The following BTBD9 variants were observed in gnomAD, a reference collection of about 807,000 sequenced individuals.
BTBD9 encodes the protein BTB/POZ domain-containing protein 9.
In BTBD9, 49 loss-of-function variants were observed where a neutral mutation model predicts 64.3. The observed-to-expected ratio is 0.76, with a 90% CI of 0.61 to 0.97. BTBD9 has a LOEUF of 0.97. BTBD9 is among the 50% of genes least tolerant of loss of function. BTBD9 has a pLI of 0.00. For synonymous variants in BTBD9, 260 were observed against 274.7 expected, an observed-to-expected ratio of 0.95 and a Z score of 0.53; for missense variants, 598 against 762.1, an observed-to-expected ratio of 0.78 and a Z score of 2.53.
At chr6:38,556,838 GA>G (rs1169008528) in intron 6 of BTBD9, among the ~76,000 whole-genome samples, 18 of 150,494 alleles carry the variant, frequency 1.2e-4, no homozygotes, top group Non-Finnish European at 2.5e-4. Flanking sequence ...CCAACATGGT[GA>G]AAACCCGTCT....
At chr6:38,258,328 G>A (rs1487481696) in intron 8 of BTBD9, among the ~76,000 whole-genome samples, 1 of 152,066 alleles carries the variant, frequency 6.6e-6, no homozygotes, top group Non-Finnish European at 1.5e-5. Flanking sequence ...TGCAGTACAG[G>A]ATTAGTGTTT....
intron 7 of BTBD9, among the ~76,000 whole-genome samples, chr6:38,331,347 C>T (rs565499338): frequency 7.2e-5 from 11 of 152,070 alleles, no homozygotes; most frequent in South Asian, 4.2e-4. Context: ...GGAGTGGTGG[C>T]GCATGCCTGT....
At chr6:38,346,143 C>T (rs575432699) in intron 6 of BTBD9, among the ~76,000 whole-genome samples, 52 of 152,272 alleles carry the variant, frequency 3.4e-4, no homozygotes, top group African/African-American at 1.1e-3. Context: ...AATCTCCTCC[C>T]CTCTGCTGTG....
intron 7 of BTBD9, among the ~76,000 whole-genome samples, chr6:38,299,422 G>A (rs1244773130): frequency 1.3e-5 from 2 of 152,158 alleles, no homozygotes; most frequent in Non-Finnish European, 2.9e-5. Context: ...GATCCCTGAG[G>A]AATCGCCACA....
chr6:38,465,755 A>G (rs1449616858), intron 6 of BTBD9, among the ~76,000 whole-genome samples: 4 of 37,008 alleles, frequency 1.1e-4, no homozygotes, highest in African/African-American at 4.3e-4. Context: ...ATATATATAT[A>G]TGTATGTATG....
At chr6:38,195,454 A>G (rs902158294) in intron 9 of BTBD9, among the ~76,000 whole-genome samples, 1 of 152,222 alleles carries the variant, frequency 6.6e-6, no homozygotes, top group Non-Finnish European at 1.5e-5. Flanking sequence ...GGGCGCTGAG[A>G]GGAGGGTGTT....
chr6:38,331,586 T>C (rs1350639817), intron 7 of BTBD9, among the ~76,000 whole-genome samples: 2 of 152,206 alleles, frequency 1.3e-5, no homozygotes, highest in Non-Finnish European at 2.9e-5. Context: ...TGGCCAGGTG[T>C]AGTGGCTCAC....
At chr6:38,322,859 C>T (rs893673216) in intron 7 of BTBD9, among the ~76,000 whole-genome samples, 2 of 152,178 alleles carry the variant, frequency 1.3e-5, no homozygotes. Context: ...GCTTAACTAC[C>T]ATAATGTAGC....
At chr6:38,619,680 AG>A (rs1371231721) in intron 1 of BTBD9, among the ~76,000 whole-genome samples, 7 of 152,188 alleles carry the variant, frequency 4.6e-5, no homozygotes, top group African/African-American at 1.7e-4. Flanking sequence ...ATTGAGGGCC[AG>A]GAAATTGACT....
At chr6:38,560,420 G>A (rs754093821) in intron 6 of BTBD9, among the ~76,000 whole-genome samples, 9 of 151,954 alleles carry the variant, frequency 5.9e-5, no homozygotes, top group African/African-American at 1.5e-4. Flanking sequence ...GTCAGAAATC[G>A]ATAAAATGTT....
chr6:38,212,872 C>T (rs916606172), intron 9 of BTBD9, among the ~76,000 whole-genome samples: 1 of 152,180 alleles, frequency 6.6e-6, no homozygotes, highest in African/African-American at 2.4e-5. Context: ...AGCGCATTCC[C>T]TCCCAGAAGC....
chr6:38,483,336 GA>G lies in BTBD9; in HGVS notation c.1154+94263del, dbSNP rs547960261. On this transcript the variant is annotated intron_variant, in intron 6 of 10. Transcript: ENST00000481247. The stretch of plus-strand genomic sequence containing the variant: ...CTCTCCCATCTCCCCTCCTCATACC[GA>G]AAGACTGACTTTTTAAGACTTCCAT... 9.2e-5 allele frequency among the ~76,000 whole-genome samples: 14 copies of G among 151,744 alleles called. No individual in the cohort carries two copies. In the South Asian group the frequency reaches 2.9e-3, roughly 32 times the overall value.
intron 6 of BTBD9, among the ~76,000 whole-genome samples, chr6:38,485,801 T>C (rs1435536557): frequency 2.0e-5 from 3 of 152,206 alleles, no homozygotes; most frequent in African/African-American, 7.2e-5. Flanking sequence ...CATTAGCCCC[T>C]AACAAGAGAA....
intron 8 of BTBD9, among the ~76,000 whole-genome samples, chr6:38,266,672 A>C (rs969732821): frequency 7.5e-6 from 1 of 132,566 alleles, no homozygotes; most frequent in Non-Finnish European, 1.6e-5. Flanking sequence ...GAAAGAAAGA[A>C]AGAAAGAAGA....
At chr6:38,178,884 C>T (rs1031159153) in intron 10 of BTBD9, among the ~76,000 whole-genome samples, 9 of 151,858 alleles carry the variant, frequency 5.9e-5, no homozygotes, top group African/African-American at 1.9e-4. Context: ...GACAGAGTCT[C>T]GCTCTGTCGC....
chr6:38,453,043 A>G (rs796320801), intron 6 of BTBD9, among the ~76,000 whole-genome samples: 10 of 152,184 alleles, frequency 6.6e-5, no homozygotes, highest in African/African-American at 2.4e-4. Context: ...AATAGCTAAT[A>G]GGTCTCATCT....
chr6:38,320,403 G>A (rs871182), intron 7 of BTBD9, among the ~76,000 whole-genome samples: 3 of 151,996 alleles, frequency 2.0e-5, no homozygotes, highest in Non-Finnish European at 2.9e-5. Flanking sequence ...AAATATTTTC[G>A]TATCTGCCTT....
At chr6:38,537,878 C>T (rs1774091260) in intron 6 of BTBD9, among the ~76,000 whole-genome samples, 1 of 152,144 alleles carries the variant, frequency 6.6e-6, no homozygotes, top group African/African-American at 2.4e-5. Flanking sequence ...ATACATTGGG[C>T]ATACTGTACT....
chr6:38,404,446 G>C (rs1767079013), intron 6 of BTBD9, among the ~76,000 whole-genome samples: 1 of 152,050 alleles, frequency 6.6e-6, no homozygotes, highest in African/African-American at 2.4e-5. Flanking sequence ...CATCTTATCT[G>C]GCACAGTTCC....
Sources: gnomAD v4.1 joint callset for allele counts (sites outside exome capture counted in the v4.1 genomes callset) on GRCh38, gnomAD v4.1.1 for gene constraint, MANE v1.5 for transcripts, NCBI Gene and HGNC (gene_info 2026-07-23, HGNC 2026-07-21) for gene names.